Variants in RPSA2 observed in about 807,000 individuals in gnomAD.
RPSA2 encodes the protein small ribosomal subunit protein uS2B.
the RPSA2 span, chr19:23,808,984 A>G: frequency 9.7e-5 from 19 of 195,674 alleles, no homozygotes; most frequent in Non-Finnish European, 1.9e-4. Flanking sequence ...TCTTATGTTT[A>G]TAAAATTTCT....
the RPSA2 span, among the ~76,000 whole-genome samples, chr19:23,870,519 G>A: frequency 3.2e-4 from 4 of 12,422 alleles, no homozygotes; most frequent in African/African-American, 5.7e-4. Context: ...TGACATTGGT[G>A]AATTACAAAA....
chr19:23,816,503 G>C, the RPSA2 span, among the ~76,000 whole-genome samples: 2 of 152,106 alleles, frequency 1.3e-5, no homozygotes. Context: ...ATGTGTTCCT[G>C]AGTGGTACGT....
chr19:23,835,412 C>A, the RPSA2 span, among the ~76,000 whole-genome samples: 2 of 151,990 alleles, frequency 1.3e-5, no homozygotes, highest in Non-Finnish European at 2.9e-5. Context: ...CAAAATAAAT[C>A]ATTTTAATCA....
At chr19:23,765,181 C>A in the RPSA2 span, among the ~76,000 whole-genome samples, 1 of 152,184 alleles carries the variant, frequency 6.6e-6, no homozygotes, top group Non-Finnish European at 1.5e-5. Flanking sequence ...AATGCTTCTA[C>A]ACTGTTGGTG....
the RPSA2 span, among the ~76,000 whole-genome samples, chr19:23,761,974 G>C: frequency 4.9e-5 from 6 of 121,914 alleles, no homozygotes; most frequent in African/African-American, 2.0e-4. Context: ...CTGGAGTGCA[G>C]TGGCATAATT....
the RPSA2 span, among the ~76,000 whole-genome samples, chr19:23,825,054 A>G: frequency 6.6e-6 from 1 of 152,012 alleles, no homozygotes; most frequent in African/African-American, 2.4e-5. Context: ...ATCTCAGCTC[A>G]TGGCAAACTC....
At chr19:23,781,865 C>T in the RPSA2 span, among the ~76,000 whole-genome samples, 1 of 152,138 alleles carries the variant, frequency 6.6e-6, no homozygotes, top group Non-Finnish European at 1.5e-5. Flanking sequence ...TTTTCCTGGG[C>T]CCAGTTCACA....
chr19:23,837,692 A>T, the RPSA2 span, among the ~76,000 whole-genome samples: 1 of 151,954 alleles, frequency 6.6e-6, no homozygotes, highest in African/African-American at 2.4e-5. Flanking sequence ...TATATTTCCT[A>T]AGTATTTTAT....
chr19:23,855,547 G>T, the RPSA2 span, among the ~76,000 whole-genome samples: 1 of 152,186 alleles, frequency 6.6e-6, no homozygotes, highest in Non-Finnish European at 1.5e-5. Context: ...GGCATAATAA[G>T]CGTTGGGTGG....
At chr19:23,827,452 T>C in the RPSA2 span, 6 of 1,539,358 alleles carry the variant, frequency 3.9e-6, no homozygotes, top group Non-Finnish European at 5.3e-6. Context: ...CTGGAGCCAC[T>C]CCAATTGCTG....
chr19:23,850,823 C>T, the RPSA2 span, among the ~76,000 whole-genome samples: 3 of 152,002 alleles, frequency 2.0e-5, no homozygotes, highest in African/African-American at 7.2e-5. Flanking sequence ...TTGAAGTAAA[C>T]AATGCTAAAT....
At chr19:23,758,731 G>C in the RPSA2 span, 41 of 1,614,214 alleles carry the variant, frequency 2.5e-5, no homozygotes, top group Non-Finnish European at 3.0e-5. Context: ...CGGGATGTCG[G>C]ACCCGACATT....
At chr19:23,865,495 A>C in the RPSA2 span, among the ~76,000 whole-genome samples, 612 of 152,202 alleles carry the variant, frequency 4.0e-3, 16 homozygotes, top group Admixed American at 0.037. Flanking sequence ...GCATGGTCCT[A>C]CTGCTGCTGT....
the RPSA2 span, among the ~76,000 whole-genome samples, chr19:23,792,993 G>T: frequency 6.6e-6 from 1 of 152,134 alleles, no homozygotes; most frequent in South Asian, 2.1e-4. Flanking sequence ...ATAAAATGGG[G>T]TTGTATGGTG....
chr19:23,813,972 C>T, the RPSA2 span, among the ~76,000 whole-genome samples: 167 of 152,056 alleles, frequency 1.1e-3, no homozygotes, highest in East Asian at 6.2e-3. Context: ...CTGCTCACCT[C>T]GGCCTCCCAA....
chr19:23,800,284 G>T, the RPSA2 span, among the ~76,000 whole-genome samples: 1 of 151,660 alleles, frequency 6.6e-6, no homozygotes, highest in African/African-American at 2.4e-5. Flanking sequence ...TTTCATGATC[G>T]ACCCGCCTTG....
At chr19:23,827,593 C>T in the RPSA2 span, 8 of 1,587,370 alleles carry the variant, frequency 5.0e-6, no homozygotes, top group Admixed American at 6.7e-5. Context: ...ACCTACCTAC[C>T]ATTGCGCTGT....
At chr19:23,840,219 A>G in the RPSA2 span, among the ~76,000 whole-genome samples, 1 of 152,226 alleles carries the variant, frequency 6.6e-6, no homozygotes, top group African/African-American at 2.4e-5. Context: ...GCTTTTGCCT[A>G]ACAAGATTAT....
At chr19:23,854,929 C>T in the RPSA2 span, among the ~76,000 whole-genome samples, 7 of 152,108 alleles carry the variant, frequency 4.6e-5, no homozygotes, top group Non-Finnish European at 5.9e-5. Flanking sequence ...ACTCATGGTT[C>T]GCATTCTCAA....
Sources: allele counts gnomAD v4.1 joint callset (sites outside exome capture counted in the v4.1 genomes callset), GRCh38; gene constraint gnomAD v4.1.1; transcripts MANE v1.5; gene names NCBI Gene and HGNC (gene_info 2026-07-23, HGNC 2026-07-21).